TENM3: variants seen among roughly 807,000 people sequenced by gnomAD.
The protein encoded by TENM3 is teneurin-3.
Under a neutral mutation model 255.1 loss-of-function variants are expected in TENM3, and 63 were observed. The ratio of observed to expected loss-of-function variants is 0.25; its 90% CI spans 0.20 to 0.30. The LOEUF (loss-of-function observed/expected upper bound fraction) is 0.30, where lower values mean the gene tolerates loss of function less well. Among genes scored for constraint, TENM3 ranks in the 10% least tolerant of loss-of-function variants. The pLI is 1.00. For synonymous variants in TENM3, 1,306 were observed against 1,322.3 expected (o/e 0.99, Z 0.27); for missense variants, 2,929 against 3,461.1 (o/e 0.85, Z 3.86).
the TENM3 span, among the ~76,000 whole-genome samples, chr4:181,599,912 C>T: frequency 0.082 from 12,509 of 152,210 alleles, 630 homozygotes; most frequent in Middle Eastern, 0.12. Flanking sequence ...CTAGACAATT[C>T]GCAATAACTT....
chr4:181,850,416 C>A, the TENM3 span, among the ~76,000 whole-genome samples: 5 of 151,922 alleles, frequency 3.3e-5, no homozygotes, highest in African/African-American at 1.2e-4. Context: ...GTATTTGCTT[C>A]TTTCATATGA....
chr4:182,482,630 G>T (rs1033655852), intron 3 of TENM3, among the ~76,000 whole-genome samples: 2 of 152,100 alleles, frequency 1.3e-5, no homozygotes, highest in Admixed American at 6.5e-5. Flanking sequence ...GTATAATTTT[G>T]CTAACCTGTG....
At chr4:182,211,077 G>A (rs117241665) in intron 1 of TENM3, among the ~76,000 whole-genome samples, 13 of 152,124 alleles carry the variant, frequency 8.5e-5, no homozygotes, top group East Asian at 1.9e-4. Flanking sequence ...TTTTAAGCCC[G>A]TCCCCAGAGG....
chr4:182,163,675 C>T (rs1751508863), intron 1 of TENM3, among the ~76,000 whole-genome samples: 1 of 152,182 alleles, frequency 6.6e-6, no homozygotes, highest in Non-Finnish European at 1.5e-5. Context: ...GGCAGAGCCT[C>T]TTATTGTAAA....
rs1761761812 is a variant in TENM3 at position 182,743,485 on chromosome 4, G to A, written c.3629+66G>A. The A allele has an allele frequency of 2.6e-6, 4 of 1,544,306 alleles. No homozygotes were observed. In the South Asian group the frequency reaches 4.6e-5, roughly 18 times the overall value. On this transcript the variant is annotated intron_variant, in intron 19 of 27. Transcript: ENST00000511685. ...CGTGCCTCTTTAAAAAAAAGGTTGAGTCTGATGTACTGATTTATTCATAGA... is the reference window on the plus strand; with the variant it reads ...CGTGCCTCTTTAAAAAAAAGGTTGAATCTGATGTACTGATTTATTCATAGA...
the TENM3 span, among the ~76,000 whole-genome samples, chr4:181,750,802 A>G: frequency 6.6e-6 from 1 of 152,298 alleles, no homozygotes; most frequent in Admixed American, 6.5e-5. Flanking sequence ...TACCCATAGC[A>G]TTATCTTTAG....
At chr4:181,860,998 A>G in the TENM3 span, among the ~76,000 whole-genome samples, 1 of 152,224 alleles carries the variant, frequency 6.6e-6, no homozygotes, top group Non-Finnish European at 1.5e-5. Flanking sequence ...GATATCGAAA[A>G]AAATGTAATT....
the TENM3 span, among the ~76,000 whole-genome samples, chr4:182,111,054 AG>A: frequency 1.3e-5 from 2 of 152,208 alleles, no homozygotes; most frequent in East Asian, 1.9e-4. Flanking sequence ...TAAAATCCGA[AG>A]TAAAGCATGT....
At chr4:182,050,185 G>T in the TENM3 span, among the ~76,000 whole-genome samples, 2 of 151,898 alleles carry the variant, frequency 1.3e-5, no homozygotes, top group Non-Finnish European at 1.5e-5. Flanking sequence ...TAAAGATGGG[G>T]TTTTGCCGTG....
At chr4:181,497,364 G>A in the TENM3 span, among the ~76,000 whole-genome samples, 1 of 152,132 alleles carries the variant, frequency 6.6e-6, no homozygotes, top group Admixed American at 6.5e-5. Flanking sequence ...TATAGAAGAT[G>A]CATATTTTTT....
chr4:181,616,274 A>G, the TENM3 span, among the ~76,000 whole-genome samples: 1 of 110,402 alleles, frequency 9.1e-6, no homozygotes, highest in Non-Finnish European at 1.9e-5. Flanking sequence ...GTATTAGTAA[A>G]GGTTTCCAAA....
At chr4:181,501,408 T>C in the TENM3 span, among the ~76,000 whole-genome samples, 4 of 151,596 alleles carry the variant, frequency 2.6e-5, no homozygotes, top group African/African-American at 9.7e-5. Context: ...AGATGGAGTC[T>C]CGCACTGTCG....
chr4:182,702,013 G>A (rs1256638973), intron 12 of TENM3, among the ~76,000 whole-genome samples: 3 of 152,166 alleles, frequency 2.0e-5, no homozygotes, highest in Non-Finnish European at 2.9e-5. Context: ...GTAAATACAT[G>A]ACTTGTATTT....
At chr4:181,595,317 G>A in the TENM3 span, among the ~76,000 whole-genome samples, 2 of 151,018 alleles carry the variant, frequency 1.3e-5, no homozygotes, top group Non-Finnish European at 2.9e-5. Context: ...TGTAATCTCA[G>A]ATACTTGGGA....
intron 3 of TENM3, among the ~76,000 whole-genome samples, chr4:182,423,136 G>A (rs1481746128): frequency 1.3e-5 from 2 of 152,006 alleles, no homozygotes; most frequent in African/African-American, 4.8e-5. Flanking sequence ...TTCTGCTGTC[G>A]TGGCCTTTCC....
the TENM3 span, among the ~76,000 whole-genome samples, chr4:181,957,441 A>G: frequency 1.3e-5 from 2 of 152,230 alleles, no homozygotes; most frequent in Non-Finnish European, 2.9e-5. Flanking sequence ...TATTTTCTCA[A>G]GGAAGGAACT....
At chr4:182,091,737 CCCTGCCTTCTA>C in the TENM3 span, among the ~76,000 whole-genome samples, 1 of 152,102 alleles carries the variant, frequency 6.6e-6, no homozygotes, top group Non-Finnish European at 1.5e-5. Context: ...TTTGCCTTCT[CCCTGCCTTCTA>C]ATTGTCTACC....
At chr4:181,999,899 G>C in the TENM3 span, among the ~76,000 whole-genome samples, 1 of 152,052 alleles carries the variant, frequency 6.6e-6, no homozygotes, top group South Asian at 2.1e-4. Context: ...TTAACTCCTA[G>C]AAACTTTATG....
intron 1 of TENM3, among the ~76,000 whole-genome samples, chr4:182,149,076 G>A (rs972424650): frequency 2.0e-5 from 3 of 151,708 alleles, no homozygotes; most frequent in African/African-American, 7.3e-5. Flanking sequence ...TTCCCACAAT[G>A]GCATTACTCT....
Sources: gnomAD v4.1 joint callset for allele counts (sites outside exome capture counted in the v4.1 genomes callset) on GRCh38, gnomAD v4.1.1 for gene constraint, MANE v1.5 for transcripts, NCBI Gene and HGNC (gene_info 2026-07-23, HGNC 2026-07-21) for gene names.